Variants in ATP2A2 observed in about 807,000 individuals in gnomAD.
ATP2A2 encodes ATPase sarcoplasmic/endoplasmic reticulum Ca2+ transporting 2.
ATP2A2 carries 14 observed loss-of-function variants against 109.3 expected under a neutral mutation model. The ratio of observed to expected loss-of-function variants is 0.13; its 90% CI spans 0.08 to 0.20. The LOEUF (loss-of-function observed/expected upper bound fraction) is 0.20, where lower values mean the gene tolerates loss of function less well. Ranked by LOEUF, ATP2A2 falls within the 10% of genes least tolerant of loss-of-function variation. The pLI, the probability that ATP2A2 is intolerant of heterozygous loss-of-function variation, is 1.00. For synonymous variants in ATP2A2, 506 were observed against 490.9 expected (o/e 1.03, Z -0.41); for missense variants, 657 against 1,321.6 (o/e 0.50, Z 7.80).
At chr12:110,282,199 A>G (rs1872186143) in intron 1 of ATP2A2, among the ~76,000 whole-genome samples, 1 of 152,142 alleles carries the variant, frequency 6.6e-6, no homozygotes, top group South Asian at 2.1e-4. Flanking sequence ...TTCTGCAGCT[A>G]GGTTGAGCCC....
chr12:110,346,806 T>C lies in ATP2A2; in HGVS notation c.*336T>C, dbSNP rs1195780751. ...CCAGCAGACATTGTCAGCAAATTAA[T>C]TGGCAGCAGATTTTAGGAAATGAAT... is the stretch of plus-strand genomic sequence containing the variant. On this transcript the variant is annotated 3_prime_UTR_variant, in exon 20 of 20. Transcript: ENST00000539276. 8.8e-7 allele frequency: 1 copy of C among 1,141,212 alleles called. No individual in the cohort carries two copies. Among genetic ancestry groups the C allele is most frequent in the South Asian group, 2.2e-5 (1 of 44,542 alleles). 70.7% of individuals were successfully genotyped at this position (1,141,212 alleles called of 1,614,324 possible). A position where few individuals can be genotyped will look rare whatever the true frequency, so the allele number is the denominator to read the frequency against.
At chr12:110,309,522 A>G (rs1875771110) in intron 5 of ATP2A2, among the ~76,000 whole-genome samples, 1 of 152,202 alleles carries the variant, frequency 6.6e-6, no homozygotes, top group Non-Finnish European at 1.5e-5. Context: ...GGGTAAGCAT[A>G]CATAGCAAAT....
In ATP2A2 at chr12:110,327,771, T is replaced by C; in HGVS notation, c.849T>C (p.Val283=). The C allele has an allele frequency of 1.9e-6, 3 of 1,614,160 alleles. No individual in the cohort carries two copies. The highest frequency in any genetic ancestry group is 2.5e-6 in the Non-Finnish European group (3 of 1,180,032). ...IINIGHFNDP[V]HGGSWIRGAI... ...ATATTGGGCACTTCAATGACCCGGT[T>C]CATGGAGGGTCCTGGATCAGAGGTG... The change falls in exon 8 of 20, where the codon GTT becomes GTC. Residue 283 remains valine (V), a synonymous_variant. Transcript: ENST00000539276. This position sits in a 1 kb window ranked among gnomAD's most constrained non-coding sequence, Gnocchi z 4.4.
chr12:110,288,184 CATT>C (rs1872863827), intron 3 of ATP2A2, among the ~76,000 whole-genome samples: 1 of 141,922 alleles, frequency 7.0e-6, no homozygotes, highest in African/African-American at 2.7e-5. Flanking sequence ...GATCATAGCT[CATT>C]ATAACCTCAA....
At position 110,290,731 on chromosome 12, in the gene ATP2A2, A is replaced by G. The variant is rs963592913; in HGVS notation, c.220-1289A>G. Among the ~76,000 whole-genome samples, 8 of 151,196 alleles carry G rather than the reference A, an allele frequency of 5.3e-5. No homozygotes were observed. In the East Asian group the frequency reaches 7.8e-4, roughly 15 times the overall value. ...GCGATTCTCCTGCCTCAGCTTCCCA[A>G]CTAGCTAGGACTGCAGGTGTGCGCC... On this transcript the variant is annotated intron_variant, in intron 3 of 19. Transcript: ENST00000539276.
rs3026482 is a variant in ATP2A2, at chr12:110,342,735, A to C, written c.2318+287A>C. Among the ~76,000 whole-genome samples, 13 of 152,020 alleles carry C rather than the reference A, an allele frequency of 8.6e-5. No homozygotes were observed. Among genetic ancestry groups the C allele is most frequent in the Non-Finnish European group, 1.8e-4 (12 of 67,980 alleles). ...TTCTTGCCCTCCAAAAGTTGGCTTT[A>C]TCTCAGTCAGCTTAATAATTTTTTT... On this transcript the variant is annotated intron_variant, in intron 15 of 19. Coordinates refer to ENST00000539276, the MANE Select transcript of ATP2A2 (RefSeq NM_170665.4). This position sits in a 1 kb window ranked among gnomAD's most constrained non-coding sequence, Gnocchi z 4.6.
intron 3 of ATP2A2, among the ~76,000 whole-genome samples, chr12:110,290,510 A>G (rs1205780390): frequency 6.6e-6 from 1 of 152,254 alleles, no homozygotes; most frequent in Non-Finnish European, 1.5e-5. Flanking sequence ...TTCTAAATAG[A>G]TACATATAAA....
chr12:110,344,509 T>C lies in ATP2A2; in HGVS notation c.2522-377T>C, dbSNP rs1049620903. On this transcript the variant is annotated intron_variant, in intron 16 of 19. Transcript: ENST00000539276. ...GCAATAGTTTGTCCAAAAGTCCTGGTGTAATCTAGTCCCTCAAACTGTGCA... is the reference window on the plus strand; with the variant it reads ...GCAATAGTTTGTCCAAAAGTCCTGGCGTAATCTAGTCCCTCAAACTGTGCA... 2.0e-5 allele frequency among the ~76,000 whole-genome samples: 3 copies of C among 152,144 alleles called. 1 individual carries two copies. The highest frequency in any genetic ancestry group is 7.2e-5 in the African/African-American group (3 of 41,424).
chr12:110,293,870 AT>A (rs398021049), intron 4 of ATP2A2, among the ~76,000 whole-genome samples: 1,788 of 73,294 alleles, frequency 0.024, 36 homozygotes, highest in Non-Finnish European at 0.03. Context: ...GTGTGTATAT[AT>A]TTTTTTTTTT....
Position 110,281,709 on chromosome 12 carries a change from C to T in ATP2A2, c.-81C>T. 9.7e-7 allele frequency: 1 copy of T among 1,027,920 alleles called. No homozygotes were observed. The highest frequency in any genetic ancestry group is 2.1e-5 in the South Asian group (1 of 48,300). 63.7% of individuals were successfully genotyped at this position (1,027,920 alleles called of 1,614,324 possible). ...GTCCGCGCCTGGGCTCCCGGGGTGG[C>T]ACGAGCCCGCGGCCGGAGTGCGAGG... On this transcript the variant is annotated 5_prime_UTR_variant, in exon 1 of 20. Transcript: ENST00000539276.
chr12:110,322,943 T>C (rs1169047193), intron 5 of ATP2A2, 49 bp from the exon 6 acceptor site: 1 of 1,283,556 alleles, frequency 7.8e-7, no homozygotes, highest in Middle Eastern at 1.9e-4. Flanking sequence ...TTAGATAACA[T>C]AGTTTTAAAA....
chr12:110,311,032 T>A (rs969083098), intron 5 of ATP2A2, among the ~76,000 whole-genome samples: 1 of 152,242 alleles, frequency 6.6e-6, no homozygotes, highest in Non-Finnish European at 1.5e-5. Flanking sequence ...GAGTACTGTT[T>A]CAAGGAGCTT....
chr12:110,322,751 G>A (rs1040723383), intron 5 of ATP2A2, among the ~76,000 whole-genome samples: 1 of 152,172 alleles, frequency 6.6e-6, no homozygotes, highest in Non-Finnish European at 1.5e-5. Context: ...TTAGAATAAT[G>A]TAGTTAGGTT....
At chr12:110,283,123 G>T (rs1206411922) in intron 3 of ATP2A2, among the ~76,000 whole-genome samples, 1 of 152,174 alleles carries the variant, frequency 6.6e-6, no homozygotes, top group African/African-American at 2.4e-5. Context: ...TTCTTCCATT[G>T]TTATCGTGTT....
chr12:110,286,577 T>G (rs986900039), intron 3 of ATP2A2, among the ~76,000 whole-genome samples: 1 of 152,318 alleles, frequency 6.6e-6, no homozygotes, highest in African/African-American at 2.4e-5. Context: ...GAACGAGTTC[T>G]AATTCATGCT....
intron 6 of ATP2A2, among the ~76,000 whole-genome samples, chr12:110,323,892 C>G (rs1877500294): frequency 6.6e-6 from 1 of 152,146 alleles, no homozygotes; most frequent in African/African-American, 2.4e-5. Flanking sequence ...GTCCTTTTTC[C>G]AGGCAAGAAA....
chr12:110,303,771 G>A (rs1353734232), intron 5 of ATP2A2, among the ~76,000 whole-genome samples: 1 of 151,664 alleles, frequency 6.6e-6, no homozygotes, highest in Non-Finnish European at 1.5e-5. Context: ...ATGTTGGCCC[G>A]GCAAGTCTTG....
At position 110,339,760 on chromosome 12, in the gene ATP2A2, G is replaced by A. The variant is rs745704735; in HGVS notation, c.1761+39G>A. On this transcript the variant is annotated intron_variant, in intron 13 of 19. Transcript: ENST00000539276. The surrounding 1 kb of genome is among the most constrained non-coding windows in gnomAD (Gnocchi z 4.4). ...AAGTTTCTTTGTCCACACCCTGCAC[G>A]ATTCATTGTGTTTAAACAGTACTCC... 1.0e-5 allele frequency: 16 copies of A among 1,591,614 alleles called. No homozygotes were observed. The highest frequency in any genetic ancestry group is 1.3e-5 in the African/African-American group (1 of 74,424).
chr12:110,338,146 T>G (rs535184962), intron 11 of ATP2A2, among the ~76,000 whole-genome samples: 1 of 152,318 alleles, frequency 6.6e-6, no homozygotes, highest in Admixed American at 6.5e-5. Context: ...AGGTGAAGGC[T>G]CCATAGTCCT....
Sources: gnomAD v4.1 joint callset for allele counts (sites outside exome capture counted in the v4.1 genomes callset) on GRCh38, gnomAD v4.1.1 for gene constraint, Gnocchi (gnomAD v3.1) non-coding constraint, MANE v1.5 for transcripts, NCBI Gene and HGNC (gene_info 2026-07-23, HGNC 2026-07-21) for gene names.